The following IL1RL2 variants were observed in gnomAD, a reference collection of about 807,000 sequenced individuals.
IL1RL2 encodes interleukin 1 receptor like 2.
A neutral mutation model predicts 66.8 loss-of-function variants in IL1RL2; 68 were observed. The observed-to-expected ratio is 1.02, with a 90% CI of 0.84 to 1.25. IL1RL2 has a LOEUF of 1.25. Among genes scored for constraint, IL1RL2 ranks in the 50% most tolerant of loss-of-function variants. The pLI is 0.00. For missense variants in IL1RL2, 729 were observed against 709.3 expected, an observed-to-expected ratio of 1.03 and a Z score of -0.32; for synonymous variants, 305 against 264.6, an observed-to-expected ratio of 1.15 and a Z score of -1.48.
At chr2:102,193,276 T>A (rs1687391621) in intron 4 of IL1RL2, among the ~76,000 whole-genome samples, 1 of 152,226 alleles carries the variant, frequency 6.6e-6, no homozygotes, top group South Asian at 2.1e-4. Flanking sequence ...AATGCATTCC[T>A]TTAAGATTAC....
At chr2:102,237,860 C>A (rs112312865) in intron 11 of IL1RL2, among the ~76,000 whole-genome samples, 6 of 152,056 alleles carry the variant, frequency 3.9e-5, no homozygotes, top group Admixed American at 3.3e-4. Flanking sequence ...TTTATGGGAA[C>A]GCTGAAGGCC....
chr2:102,200,686 T>C (rs184413554), intron 4 of IL1RL2, among the ~76,000 whole-genome samples: 2 of 152,172 alleles, frequency 1.3e-5, no homozygotes. Context: ...TTTGGGAGAA[T>C]TCAGAAGGTG....
At chr2:102,238,431 C>T (rs538607883) in intron 11 of IL1RL2, among the ~76,000 whole-genome samples, 1 of 152,288 alleles carries the variant, frequency 6.6e-6, no homozygotes, top group Admixed American at 6.5e-5. Flanking sequence ...CCGTGGGATG[C>T]CATGAGGAGC....
intron 11 of IL1RL2, chr2:102,235,953 A>G: frequency 3.0e-6 from 3 of 985,268 alleles, no homozygotes; most frequent in Non-Finnish European, 3.6e-6. Flanking sequence ...GTCAAACTAA[A>G]GCAAGCAGGA....
At chr2:102,208,114 G>A (rs770004921) in intron 5 of IL1RL2, among the ~76,000 whole-genome samples, 13 of 152,222 alleles carry the variant, frequency 8.5e-5, no homozygotes, top group East Asian at 3.8e-4. Context: ...AGGGGTTGGC[G>A]AGAGTGGCAT....
At chr2:102,209,331 G>A (rs563294725) in intron 5 of IL1RL2, among the ~76,000 whole-genome samples, 6 of 152,262 alleles carry the variant, frequency 3.9e-5, no homozygotes, top group South Asian at 4.1e-4. Flanking sequence ...CAGTGTTTGC[G>A]GAGCAGGAAA....
chr2:102,210,060 A>T (rs1689030541), intron 5 of IL1RL2, among the ~76,000 whole-genome samples: 1 of 152,140 alleles, frequency 6.6e-6, no homozygotes, highest in African/African-American at 2.4e-5. Flanking sequence ...GGAAAGGAAA[A>T]ATCTGAGCTC....
At chr2:102,232,446 C>T (rs1193750132) in intron 9 of IL1RL2, among the ~76,000 whole-genome samples, 1 of 152,188 alleles carries the variant, frequency 6.6e-6, no homozygotes, top group African/African-American at 2.4e-5. Flanking sequence ...ATTTCAGCCT[C>T]CTGAGTAGCT....
At chr2:102,205,210 C>T (rs114747152) in intron 5 of IL1RL2, among the ~76,000 whole-genome samples, 603 of 152,162 alleles carry the variant, frequency 4.0e-3, no homozygotes, top group African/African-American at 0.014. Flanking sequence ...ATCTTGTACT[C>T]ACTACACCTT....
intron 6 of IL1RL2, among the ~76,000 whole-genome samples, chr2:102,216,742 T>C (rs1689647582): frequency 6.6e-6 from 1 of 152,168 alleles, no homozygotes; most frequent in Non-Finnish European, 1.5e-5. Context: ...GTGTATCTGC[T>C]GCAGTTTCTA....
intron 8 of IL1RL2, 104 bp from the exon 9 acceptor site, chr2:102,225,794 C>T (rs1690546536): frequency 2.3e-6 from 2 of 874,680 alleles, no homozygotes; most frequent in South Asian, 4.1e-5. Flanking sequence ...AAAACCTTTC[C>T]ATTTGGCATT....
chr2:102,217,776 T>G (rs1689739486), intron 6 of IL1RL2, among the ~76,000 whole-genome samples: 1 of 152,114 alleles, frequency 6.6e-6, no homozygotes, highest in East Asian at 1.9e-4. Flanking sequence ...TATTCAAAAC[T>G]CAACTTGAAA....
intron 8 of IL1RL2, among the ~76,000 whole-genome samples, chr2:102,223,066 G>A (rs1364701151): frequency 6.6e-6 from 1 of 152,210 alleles, no homozygotes; most frequent in Non-Finnish European, 1.5e-5. Flanking sequence ...CACCTGTCAA[G>A]CTTGTGGAGG....
At chr2:102,236,164 C>T (rs1360355076) in intron 11 of IL1RL2, among the ~76,000 whole-genome samples, 3 of 152,310 alleles carry the variant, frequency 2.0e-5, no homozygotes, top group South Asian at 2.1e-4. Context: ...TGTAAACCCT[C>T]ATCACTTTTT....
At chr2:102,230,369 A>G (rs1429897830) in intron 9 of IL1RL2, among the ~76,000 whole-genome samples, 1 of 152,190 alleles carries the variant, frequency 6.6e-6, no homozygotes, top group East Asian at 1.9e-4. Flanking sequence ...CTGATCAGTG[A>G]CCTTTATGAT....
chr2:102,220,046 C>G, intron 8 of IL1RL2, 29 bp downstream of exon 8: 1 of 1,561,000 alleles, frequency 6.4e-7, no homozygotes, highest in Non-Finnish European at 8.8e-7. Flanking sequence ...ACACACTGTT[C>G]AGAGTGTTCA....
At chr2:102,195,651 CTTTCTT>C (rs1191789452) in intron 4 of IL1RL2, among the ~76,000 whole-genome samples, 1,684 of 27,078 alleles carry the variant, frequency 0.062, 128 homozygotes, top group Admixed American at 0.087. Flanking sequence ...CTCTCTCTTT[CTTTCTT>C]TCTTTCTTTC....
chr2:102,188,587 C>CA (rs374522339), intron 2 of IL1RL2, among the ~76,000 whole-genome samples: 26,771 of 94,884 alleles, frequency 0.28, 4,306 homozygotes, highest in South Asian at 0.46. Flanking sequence ...GACTCCGTCT[C>CA]AAAAAAAAAA....
At chr2:102,241,395 G>T (rs1675227338), downstream of IL1RL2, among the ~76,000 whole-genome samples, 1 of 152,168 alleles carries the variant, frequency 6.6e-6, no homozygotes, top group African/African-American at 2.4e-5. Context: ...ACCACTTGCT[G>T]AGGGAGTATG....
Sources: gnomAD v4.1 joint callset for allele counts (sites outside exome capture counted in the v4.1 genomes callset) on GRCh38, gnomAD v4.1.1 for gene constraint, MANE v1.5 for transcripts, NCBI Gene and HGNC (gene_info 2026-07-23, HGNC 2026-07-21) for gene names.